ELAPOR1: variants seen among roughly 807,000 people sequenced by gnomAD.
ELAPOR1 encodes endosome/lysosome-associated apoptosis and autophagy regulator 1.
In ELAPOR1, 77 loss-of-function variants were observed where a neutral mutation model predicts 119.7. The ratio of observed to expected loss-of-function variants is 0.64; its 90% confidence interval spans 0.54 to 0.78. ELAPOR1 has a LOEUF of 0.78. Among genes scored for constraint, ELAPOR1 ranks in the 30% least tolerant of loss-of-function variants. The probability of loss-of-function intolerance (pLI) is 0.00; values close to 1 mark genes in which losing one functional copy is unlikely to be tolerated. For missense variants in ELAPOR1, 1,115 were observed against 1,270.4 expected (o/e 0.88, Z 1.86); for synonymous variants, 481 against 487.2 (o/e 0.99, Z 0.17).
chr1:109,194,090 T>C (rs1412914571), intron 14 of ELAPOR1, among the ~76,000 whole-genome samples: 1 of 152,192 alleles, frequency 6.6e-6, no homozygotes, highest in Non-Finnish European at 1.5e-5. Flanking sequence ...CATTGTCTTC[T>C]GCTGGAAAGT....
rs1309946443 is a variant in ELAPOR1, at chr1:109,199,943, A to G, written c.2591A>G (p.Tyr864Cys). 3.1e-6 allele frequency: 5 copies of G among 1,614,030 alleles called. No individual in the cohort carries two copies. In the South Asian group the frequency reaches 5.5e-5, roughly 18 times the overall value. ...AACPLCSVAD[Y>C]HAIVSSCVAG... ...TGCCCGCTCTGCTCAGTGGCTGACT[A>G]CCATGCTATCGTCAGCAGCTGTGTG... The change falls in exon 19 of 22, where the codon TAC (tyrosine) becomes TGC (cysteine). Residue 864 changes from tyrosine to cysteine, a missense_variant. Coordinates refer to ENST00000369939, the MANE Select transcript of ELAPOR1 (RefSeq NM_020775.5).
chr1:109,148,059 G>A (rs143696249), intron 1 of ELAPOR1, among the ~76,000 whole-genome samples: 3,606 of 150,638 alleles, frequency 0.024, 134 homozygotes, highest in African/African-American at 0.084. Context: ...GGATGGTCTC[G>A]ATCTCCTGAC....
chr1:109,161,688 C>CT, intron 1 of ELAPOR1: 2 of 487,070 alleles, frequency 4.1e-6, no homozygotes, highest in Non-Finnish European at 7.5e-6. Context: ...TTTCTAGGGA[C>CT]TAGACCATGG....
chr1:109,153,812 C>G (rs1458929404), intron 1 of ELAPOR1, among the ~76,000 whole-genome samples: 2 of 151,948 alleles, frequency 1.3e-5, no homozygotes, highest in South Asian at 4.2e-4. Flanking sequence ...TTAGTAGAGA[C>G]GGGGTTTCAC....
intron 7 of ELAPOR1, among the ~76,000 whole-genome samples, chr1:109,177,155 G>T (rs1490451586): frequency 3.3e-5 from 5 of 149,410 alleles, no homozygotes; most frequent in East Asian, 2.0e-4. Flanking sequence ...CCGGGCAGAG[G>T]GGCTCCTCAC....
chr1:109,133,732 T>G (rs989953317), intron 1 of ELAPOR1, among the ~76,000 whole-genome samples: 1 of 152,210 alleles, frequency 6.6e-6, no homozygotes, highest in Non-Finnish European at 1.5e-5. Flanking sequence ...CTATGAACCA[T>G]TATAGAAGTT....
Position 109,206,416 on chromosome 1 carries a change from A to C in ELAPOR1, c.*3404A>C, listed in dbSNP as rs1654498335. The stretch of plus-strand genomic sequence containing the variant: ...GTAGAGGGAGTATGATAAAATGTTT[A>C]AATCTCATTTGGTTACCTTGAGTCC... On this transcript the variant is annotated 3_prime_UTR_variant, in exon 22 of 22. Coordinates refer to ENST00000369939, the MANE Select transcript of ELAPOR1 (RefSeq NM_020775.5). The C allele has an allele frequency of 6.6e-6, 1 of 152,236 alleles. No homozygotes were observed. Among genetic ancestry groups the C allele is most frequent in the Non-Finnish European group, 1.5e-5 (1 of 68,048 alleles). 9.4% of individuals were successfully genotyped at this position (152,236 alleles called of 1,614,324 possible). A position where few individuals can be genotyped will look rare whatever the true frequency, so the allele number is the denominator to read the frequency against.
At chr1:109,159,260 C>A (rs1651093464) in intron 1 of ELAPOR1, among the ~76,000 whole-genome samples, 1 of 152,148 alleles carries the variant, frequency 6.6e-6, no homozygotes, top group African/African-American at 2.4e-5. Flanking sequence ...GTATTAGAAC[C>A]AGCCACCTTG....
chr1:109,199,405 A>G (rs1193623796), intron 18 of ELAPOR1, among the ~76,000 whole-genome samples: 2 of 152,214 alleles, frequency 1.3e-5, no homozygotes, highest in Non-Finnish European at 2.9e-5. Flanking sequence ...TGTTCTTGCC[A>G]TTGTAAACAT....
At chr1:109,145,447 GGTGTTTGAGACCA>G (rs1650115801) in intron 1 of ELAPOR1, among the ~76,000 whole-genome samples, 1 of 152,074 alleles carries the variant, frequency 6.6e-6, no homozygotes, top group South Asian at 2.1e-4. Context: ...CCTGAGATCA[GGTGTTTGAGACCA>G]GCATGGTCAA....
intron 1 of ELAPOR1, among the ~76,000 whole-genome samples, chr1:109,140,519 G>C (rs1649763463): frequency 6.6e-6 from 1 of 152,210 alleles, no homozygotes; most frequent in Non-Finnish European, 1.5e-5. Context: ...CTAGAGAATG[G>C]ATTGGAGGGG....
chr1:109,201,797 C>T (rs1654186436), intron 21 of ELAPOR1, among the ~76,000 whole-genome samples: 1 of 152,146 alleles, frequency 6.6e-6, no homozygotes. Context: ...TAGAATTCAG[C>T]AAAGGTGCAA....
At chr1:109,149,996 C>T (rs1650431456) in intron 1 of ELAPOR1, among the ~76,000 whole-genome samples, 1 of 152,218 alleles carries the variant, frequency 6.6e-6, no homozygotes, top group African/African-American at 2.4e-5. Context: ...GAGGTGCTCA[C>T]TAGGGTGGCT....
At chr1:109,172,392 T>C in intron 4 of ELAPOR1, 96 bp from the exon 5 acceptor site, 1 of 888,760 alleles carries the variant, frequency 1.1e-6, no homozygotes, top group African/African-American at 1.7e-5. Context: ...TCTTCCCATA[T>C]AAAGAAGGGC....
intron 7 of ELAPOR1, among the ~76,000 whole-genome samples, chr1:109,182,939 T>G (rs1652788636): frequency 6.6e-6 from 1 of 151,746 alleles, no homozygotes; most frequent in Non-Finnish European, 1.5e-5. Context: ...AGAGAGAAGT[T>G]CTTACCATTA....
Position 109,203,006 on chromosome 1 carries a change from C to A in ELAPOR1, c.3036C>A (p.Asp1012Glu), listed in dbSNP as rs767601745. Reference protein sequence around the residue: ...LKTSSGGLDMDL With the variant: ...LKTSSGGLDMEL ...CATCCTCAGGAGGCCTAGACATGGA[C>A]CTGTGAGAGGCACTGCCTGCCTCAC... The change falls in exon 22 of 22, where the codon GAC (aspartate) becomes GAA (glutamate). Residue 1012 changes from aspartate to glutamate, a missense_variant. Transcript: ENST00000369939. 5.3e-5 allele frequency: 85 copies of A among 1,610,822 alleles called. No homozygotes were observed. Among genetic ancestry groups the A allele is most frequent in the Non-Finnish European group, 6.8e-5 (80 of 1,177,704 alleles).
In ELAPOR1 at chr1:109,194,426, C is replaced by T; in HGVS notation, c.1953C>T (p.His651=). 1.2e-6 allele frequency: 2 copies of T among 1,613,640 alleles called. No homozygotes were observed. Among genetic ancestry groups the T allele is most frequent in the Non-Finnish European group, 1.7e-6 (2 of 1,179,628 alleles). Residue 651 remains histidine (H), a synonymous_variant, in exon 15 of 22, where the codon CAC becomes CAT. Coordinates refer to ENST00000369939, the MANE Select transcript of ELAPOR1 (RefSeq NM_020775.5). ...CCCGTCCCTCTCCCCCTCAGATCCA[C>T]TCTCTGTGCTACAACGATTGCACCT... The part of the protein sequence containing the change: ...CGPGTKNNKI[H]SLCYNDCTFS...
chr1:109,196,154 TA>T lies in ELAPOR1; in HGVS notation c.2122-1310del, dbSNP rs564929555. On this transcript the variant is annotated intron_variant, in intron 15 of 21. Coordinates refer to ENST00000369939, the MANE Select transcript of ELAPOR1 (RefSeq NM_020775.5). ...CTGGACAACACAGCAAGACTCCATCTAAAAAAAAAAGTGACAATATAAAGAG... is the reference window on the plus strand; with the variant it reads ...CTGGACAACACAGCAAGACTCCATCTAAAAAAAAAGTGACAATATAAAGAG... Among the ~76,000 whole-genome samples, 58 of 148,214 alleles carry T rather than the reference TA, an allele frequency of 3.9e-4. No individual in the cohort carries two copies. In the South Asian group the frequency reaches 8.8e-3, roughly 22 times the overall value.
At chr1:109,184,815 G>A (rs988112649) in intron 7 of ELAPOR1, among the ~76,000 whole-genome samples, 2 of 152,236 alleles carry the variant, frequency 1.3e-5, no homozygotes, top group East Asian at 3.9e-4. Context: ...GCAAACAGTG[G>A]TTTCTCATCA....
Sources: gnomAD v4.1 joint callset for allele counts (sites outside exome capture counted in the v4.1 genomes callset) on GRCh38, gnomAD v4.1.1 for gene constraint, MANE v1.5 for transcripts, NCBI Gene and HGNC (gene_info 2026-07-23, HGNC 2026-07-21) for gene names.